Variants in TENM4 observed in about 807,000 individuals in gnomAD.
The protein encoded by TENM4 is teneurin transmembrane protein 4.
In TENM4, 82 loss-of-function variants were observed where a neutral mutation model predicts 243.3. The observed-to-expected ratio is 0.34, with a 90% confidence interval of 0.28 to 0.40. TENM4 has a LOEUF of 0.40. Ranked by LOEUF, TENM4 falls within the 10% of genes least tolerant of loss-of-function variation. The pLI, the probability that TENM4 is intolerant of heterozygous loss-of-function variation, is 1.00. For synonymous variants in TENM4, 1,412 were observed against 1,456.3 expected, an observed-to-expected ratio of 0.97 and a Z score of 0.69; for missense variants, 3,138 against 3,673.3, an observed-to-expected ratio of 0.85 and a Z score of 3.77.
chr11:79,356,271 C>T (rs1023055659), intron 1 of TENM4, among the ~76,000 whole-genome samples: 2 of 152,228 alleles, frequency 1.3e-5, no homozygotes, highest in Admixed American at 6.5e-5. Context: ...GTCCCCCCAA[C>T]TAGTTGGGTA....
intron 27 of TENM4, among the ~76,000 whole-genome samples, chr11:78,706,811 T>C (rs972366516): frequency 6.6e-6 from 1 of 152,258 alleles, no homozygotes; most frequent in Non-Finnish European, 1.5e-5. Context: ...AAAATACTTG[T>C]ATGCACATCC....
In TENM4 at chr11:79,092,627, C is replaced by T. The variant is rs535120064; in HGVS notation, c.-65-22618G>A. Among the ~76,000 whole-genome samples the T allele has an allele frequency of 8.4e-4, 128 of 152,332 alleles. 1 individual carries two copies. Among genetic ancestry groups the T allele is most frequent in the Non-Finnish European group, 1.1e-3 (74 of 68,032 alleles). ...CTGCTTATTTTAACTAAAGAGTAGG[C>T]GGCCAGTTCTCTTCATTCTTATCCC... On this transcript the variant is annotated intron_variant, in intron 4 of 33. Coordinates refer to ENST00000278550, the MANE Select transcript of TENM4 (RefSeq NM_001098816.3).
intron 3 of TENM4, among the ~76,000 whole-genome samples, chr11:79,186,205 A>T (rs1279712990): frequency 1.3e-5 from 2 of 152,160 alleles, no homozygotes; most frequent in Non-Finnish European, 2.9e-5. Flanking sequence ...GCCATGTCTT[A>T]TGCTTGTCAT....
At chr11:78,928,365 T>C (rs1349310434) in intron 6 of TENM4, among the ~76,000 whole-genome samples, 1 of 152,154 alleles carries the variant, frequency 6.6e-6, no homozygotes, top group Non-Finnish European at 1.5e-5. Context: ...TACAGGTATA[T>C]ATAAAAGCCT....
intron 6 of TENM4, chr11:79,014,897 T>C (rs956672843): frequency 2.0e-5 from 3 of 152,336 alleles, no homozygotes; most frequent in Non-Finnish European, 2.9e-5. Context: ...AATGCTCTCC[T>C]GCCTGGACAT....
chr11:79,306,953 A>G (rs984914305), intron 1 of TENM4, among the ~76,000 whole-genome samples: 1 of 152,164 alleles, frequency 6.6e-6, no homozygotes, highest in Non-Finnish European at 1.5e-5. Context: ...GTGGACTCCA[A>G]ATTTTATTTC....
intron 4 of TENM4, among the ~76,000 whole-genome samples, chr11:79,072,708 C>T (rs193092427): frequency 6.1e-4 from 93 of 152,226 alleles, no homozygotes; most frequent in African/African-American, 2.0e-3. Context: ...TGGCTTTCAA[C>T]GCAAAGCACT....
intron 21 of TENM4, 151 bp downstream of exon 21, chr11:78,732,165 G>A: frequency 9.0e-7 from 1 of 1,115,910 alleles, no homozygotes; most frequent in East Asian, 2.6e-5. Flanking sequence ...CCTGCTGTGG[G>A]GTTTGGTGGC....
intron 32 of TENM4, among the ~76,000 whole-genome samples, chr11:78,666,158 C>A (rs113312910): frequency 6.6e-6 from 1 of 152,112 alleles, no homozygotes; most frequent in Non-Finnish European, 1.5e-5. Context: ...GGTTCTTATT[C>A]GTGATTGCAC....
chr11:79,189,574 C>A (rs1043499218), intron 3 of TENM4, among the ~76,000 whole-genome samples: 17 of 152,188 alleles, frequency 1.1e-4, no homozygotes, highest in African/African-American at 4.1e-4. Flanking sequence ...ACAGCTCTTC[C>A]CATGTCATTT....
chr11:79,368,384 CAG>C (rs1373037973), intron 1 of TENM4, among the ~76,000 whole-genome samples: 6 of 152,248 alleles, frequency 3.9e-5, no homozygotes, highest in African/African-American at 1.2e-4. Flanking sequence ...CCAACCTCGA[CAG>C]AGACAGTGAG....
chr11:78,836,745 TG>T (rs1341912830), intron 12 of TENM4, among the ~76,000 whole-genome samples: 1 of 152,234 alleles, frequency 6.6e-6, no homozygotes, highest in Non-Finnish European at 1.5e-5. Context: ...AGAGACCATC[TG>T]GGGTCTTTTT....
chr11:79,154,821 T>A lies in TENM4; in HGVS notation c.-162-6015A>T, dbSNP rs140688827. Among the ~76,000 whole-genome samples the A allele has an allele frequency of 7.5e-3, 1,149 of 152,238 alleles. 12 individuals carry two copies. Among genetic ancestry groups the A allele is most frequent in the Non-Finnish European group, 0.013 (908 of 68,002 alleles). ...AATGCCTATCTCCCCAGCTAGAATATAAGCCCTCTGAAGCAGGCCCACCTG... is the reference window on the plus strand; with the variant it reads ...AATGCCTATCTCCCCAGCTAGAATAAAAGCCCTCTGAAGCAGGCCCACCTG... On this transcript the variant is annotated intron_variant, in intron 3 of 33. Coordinates refer to ENST00000278550, the MANE Select transcript of TENM4 (RefSeq NM_001098816.3).
chr11:79,398,050 A>G (rs180909703), intron 1 of TENM4, among the ~76,000 whole-genome samples: 1 of 152,356 alleles, frequency 6.6e-6, no homozygotes, highest in Admixed American at 6.5e-5. Flanking sequence ...ATGAATTTAC[A>G]TATGTGTGCT....
chr11:79,021,004 G>T (rs1858912870), intron 6 of TENM4, among the ~76,000 whole-genome samples: 3 of 152,188 alleles, frequency 2.0e-5, no homozygotes, highest in Non-Finnish European at 2.9e-5. Context: ...AGTGCTTCAG[G>T]GATAGAGGAT....
intron 2 of TENM4, among the ~76,000 whole-genome samples, chr11:79,253,010 A>G (rs1203552073): frequency 6.6e-6 from 1 of 152,230 alleles, no homozygotes; most frequent in Non-Finnish European, 1.5e-5. Context: ...GAATTCTGAG[A>G]TAGACATTGT....
chr11:78,979,048 G>A (rs1025595), intron 6 of TENM4, among the ~76,000 whole-genome samples: 44,843 of 152,108 alleles, frequency 0.29, 7,418 homozygotes, highest in Non-Finnish European at 0.38. Flanking sequence ...GGTAAGAAAT[G>A]CATTCAGAAT....
At chr11:79,278,082 G>A (rs1188017717) in intron 2 of TENM4, among the ~76,000 whole-genome samples, 1 of 152,200 alleles carries the variant, frequency 6.6e-6, no homozygotes, top group East Asian at 1.9e-4. Flanking sequence ...AGAGAAGAAA[G>A]AGAAAGCAGA....
At chr11:79,360,164 G>A in intron 1 of TENM4, among the ~76,000 whole-genome samples, 1 of 152,088 alleles carries the variant, frequency 6.6e-6, no homozygotes, top group Non-Finnish European at 1.5e-5. Flanking sequence ...TCATTTATGT[G>A]TCTGACTTCT....
Sources: allele counts gnomAD v4.1 joint callset (sites outside exome capture counted in the v4.1 genomes callset), GRCh38; gene constraint gnomAD v4.1.1; transcripts MANE v1.5; gene names NCBI Gene and HGNC (gene_info 2026-07-23, HGNC 2026-07-21).